The following ERI3 variants were observed in gnomAD, a reference collection of about 807,000 sequenced individuals.
The protein encoded by ERI3 is ERI1 exoribonuclease family member 3, also known as ERI1 exoribonuclease 3.
A neutral mutation model predicts 44.4 loss-of-function variants in ERI3; 18 were observed. That is an observed-to-expected ratio of 0.41 (90% CI 0.28 to 0.60). The LOEUF (loss-of-function observed/expected upper bound fraction) is 0.60, where lower values mean the gene tolerates loss of function less well. Among genes scored for constraint, ERI3 ranks in the 20% least tolerant of loss-of-function variants. ERI3 has a pLI of 0.36. For synonymous variants in ERI3, 183 were observed against 164.8 expected (o/e 1.11, Z -0.84); for missense variants, 294 against 435.5 (o/e 0.68, Z 2.89).
chr1:44,243,064 C>T (rs760262657), intron 8 of ERI3, among the ~76,000 whole-genome samples: 2 of 152,264 alleles, frequency 1.3e-5, no homozygotes, highest in Non-Finnish European at 2.9e-5. Flanking sequence ...TGCGTTCTGA[C>T]TGGACTCTTG....
chr1:44,308,460 G>T, intron 5 of ERI3, 59 bp from the exon 6 acceptor site: 1 of 1,311,966 alleles, frequency 7.6e-7, no homozygotes, highest in Non-Finnish European at 1.1e-6. Context: ...CCTGTGAAGA[G>T]CCACAACAGC....
rs9660015 is a variant in ERI3, at chr1:44,291,202, G to A, written c.759-6295C>T. ...CTGAACTACCACATTGAGCGGAGGAGGGTAGAGAGAAGGCAGACTCATAAT... is the reference window on the plus strand; with the variant it reads ...CTGAACTACCACATTGAGCGGAGGAAGGTAGAGAGAAGGCAGACTCATAAT... On this transcript the variant is annotated intron_variant, in intron 6 of 8. Coordinates refer to ENST00000372257, the MANE Select transcript of ERI3 (RefSeq NM_024066.3). Among the ~76,000 whole-genome samples, 257 of 152,306 alleles carry A rather than the reference G, an allele frequency of 1.7e-3. 1 individual carries two copies. The highest frequency in any genetic ancestry group is 5.9e-3 in the African/African-American group (247 of 41,556).
chr1:44,313,333 C>G lies in ERI3; in HGVS notation c.607-105G>C. 3.8e-6 allele frequency: 4 copies of G among 1,060,934 alleles called. No homozygotes were observed. The South Asian group carries it at 5.5e-5, about 15-fold the overall frequency. The allele number at this position is 1,060,934 out of a possible 1,614,324, so 65.7% of individuals were successfully genotyped here. A position where few individuals can be genotyped will look rare whatever the true frequency, so the allele number is the denominator to read the frequency against. On this transcript the variant is annotated intron_variant, in intron 4 of 8. Coordinates refer to ENST00000372257, the MANE Select transcript of ERI3 (RefSeq NM_024066.3). ...GTTTTTCTCCTTCTGTTGTAAAGGG[C>G]TCTGATCTGGCACTGCTTTAGGTTC... is the stretch of plus-strand genomic sequence containing the variant.
chr1:44,256,531 A>G (rs954497554), intron 7 of ERI3, among the ~76,000 whole-genome samples: 1 of 152,120 alleles, frequency 6.6e-6, no homozygotes, highest in Non-Finnish European at 1.5e-5. Flanking sequence ...CTACCAACAT[A>G]CTTCAGGGGC....
At chr1:44,270,100 A>G (rs1344148607) in intron 7 of ERI3, among the ~76,000 whole-genome samples, 3 of 152,176 alleles carry the variant, frequency 2.0e-5, no homozygotes, top group African/African-American at 7.2e-5. Context: ...TCTTTTCTGC[A>G]ACTACTCCCA....
intron 6 of ERI3, among the ~76,000 whole-genome samples, chr1:44,294,393 C>T (rs1271984854): frequency 6.6e-6 from 1 of 152,238 alleles, no homozygotes; most frequent in Non-Finnish European, 1.5e-5. Flanking sequence ...CATTTCTTCC[C>T]TATGGAGACC....
chr1:44,350,697 T>C (rs1478425595), intron 2 of ERI3, among the ~76,000 whole-genome samples: 1 of 152,230 alleles, frequency 6.6e-6, no homozygotes. Context: ...AACTGTTATA[T>C]ATGCAAAGAT....
chr1:44,310,233 G>C (rs1452016002), intron 5 of ERI3, among the ~76,000 whole-genome samples: 1 of 152,176 alleles, frequency 6.6e-6, no homozygotes, highest in Non-Finnish European at 1.5e-5. Context: ...AGGGAAAGGA[G>C]TCAGAAAAGG....
In ERI3 at chr1:44,286,543, G is replaced by A. The variant is rs144431923; in HGVS notation, c.759-1636C>T. Among the ~76,000 whole-genome samples the A allele has an allele frequency of 1.2e-3, 177 of 152,142 alleles. 2 individuals are homozygous for A. The East Asian group carries it at 0.033, about 29-fold the overall frequency. On this transcript the variant is annotated intron_variant, in intron 6 of 8. Transcript: ENST00000372257. ...GCCAGGAGAGTAAATAAGATCACCCGGGGAACAGAATAGAGCGAGGTGAGC... is the reference window on the plus strand; with the variant it reads ...GCCAGGAGAGTAAATAAGATCACCCAGGGAACAGAATAGAGCGAGGTGAGC...
intron 6 of ERI3, among the ~76,000 whole-genome samples, chr1:44,303,368 T>C (rs1019675418): frequency 6.6e-6 from 1 of 152,236 alleles, no homozygotes. Flanking sequence ...TTCCTAAATC[T>C]ACCTACTAAC....
Position 44,310,951 on chromosome 1 carries a change from T to TCGCGCGCG in ERI3, c.666+2210_666+2217dup, listed in dbSNP as rs141114785. On this transcript the variant is annotated intron_variant, in intron 5 of 8. Coordinates refer to ENST00000372257, the MANE Select transcript of ERI3 (RefSeq NM_024066.3). ...CCAACTCCTTGCATGTATGTGCACA[T>TCGCGCGCG]CGCGCGCGCGCGCACACACACACAC... Among the ~76,000 whole-genome samples the TCGCGCGCG allele has an allele frequency of 4.1e-3, 393 of 94,716 alleles. 1 individual carries two copies. The highest frequency in any genetic ancestry group is 5.0e-3 in the Non-Finnish European group (227 of 45,618). The allele number at this position is 94,716 out of a possible 152,430, so 62.1% of individuals were successfully genotyped here.
At chr1:44,325,548 T>C (rs181718387) in intron 3 of ERI3, among the ~76,000 whole-genome samples, 7 of 152,338 alleles carry the variant, frequency 4.6e-5, no homozygotes, top group African/African-American at 1.7e-4. Flanking sequence ...CTGAAGTGTC[T>C]GCAGAAATAA....
intron 3 of ERI3, among the ~76,000 whole-genome samples, chr1:44,335,605 C>A (rs1190884754): frequency 1.3e-5 from 2 of 151,822 alleles, no homozygotes; most frequent in Non-Finnish European, 2.9e-5. Context: ...ACTAAAAATA[C>A]AAAATTAGCT....
chr1:44,238,465 C>G (rs1349519679), intron 8 of ERI3, among the ~76,000 whole-genome samples: 1 of 152,124 alleles, frequency 6.6e-6, no homozygotes, highest in Admixed American at 6.5e-5. Context: ...AACCAATCAC[C>G]GGCTCCTTTC....
intron 7 of ERI3, among the ~76,000 whole-genome samples, chr1:44,259,830 T>C (rs926020611): frequency 5.3e-5 from 8 of 151,762 alleles, no homozygotes; most frequent in African/African-American, 1.9e-4. Context: ...CAGTGAGCTG[T>C]ATTTGTGCCA....
intron 7 of ERI3, chr1:44,256,622 C>T (rs1337419660): frequency 6.6e-6 from 1 of 152,278 alleles, no homozygotes; most frequent in Non-Finnish European, 1.5e-5. Flanking sequence ...CCTTACTGCT[C>T]ACTGCCTCCA....
chr1:44,319,560 T>C lies in ERI3; in HGVS notation c.606+68A>G. 4.7e-6 allele frequency: 5 copies of C among 1,069,004 alleles called. No homozygotes were observed. The Admixed American group carries it at 5.5e-5, about 12-fold the overall frequency. The allele number at this position is 1,069,004 out of a possible 1,614,324, so 66.2% of individuals were successfully genotyped here. Reference sequence around the variant, plus strand: ...CCCTATGCTTTCTCTAAGTGGCCTATATAGAGCACCAAGGATTCCAAAATT... The same window carrying C: ...CCCTATGCTTTCTCTAAGTGGCCTACATAGAGCACCAAGGATTCCAAAATT... On this transcript the variant is annotated intron_variant, in intron 4 of 8. Coordinates refer to ENST00000372257, the MANE Select transcript of ERI3 (RefSeq NM_024066.3).
Position 44,223,978 on chromosome 1 carries a change from A to T in ERI3, c.932-2338T>A, listed in dbSNP as rs536031787. On this transcript the variant is annotated intron_variant, in intron 8 of 8. Transcript: ENST00000372257. ...CAATCACGAGCTAATTTTCTCTCCA[A>T]GCTGCTGCTTACCCCTCACCCTGCT... is the stretch of plus-strand genomic sequence containing the variant. 2.0e-5 allele frequency among the ~76,000 whole-genome samples: 3 copies of T among 152,306 alleles called. No individual in the cohort carries two copies. The South Asian group carries it at 6.2e-4, about 32-fold the overall frequency.
At chr1:44,227,522 G>A (rs1016628480) in intron 8 of ERI3, among the ~76,000 whole-genome samples, 1 of 152,108 alleles carries the variant, frequency 6.6e-6, no homozygotes, top group Non-Finnish European at 1.5e-5. Flanking sequence ...ATTAAATGCA[G>A]CCCCACCAGC....
Sources: gnomAD v4.1 joint callset for allele counts (sites outside exome capture counted in the v4.1 genomes callset) on GRCh38, gnomAD v4.1.1 for gene constraint, MANE v1.5 for transcripts, NCBI Gene and HGNC (gene_info 2026-07-23, HGNC 2026-07-21) for gene names.